The following NUP37 variants were observed in gnomAD, a reference collection of about 807,000 sequenced individuals.
NUP37 encodes the protein nucleoporin 37.
In NUP37, 33 loss-of-function variants were observed where a neutral mutation model predicts 45.4. That is an observed-to-expected ratio of 0.73 (90% CI 0.55 to 0.97). The LOEUF is 0.97. NUP37 is among the 50% of genes least tolerant of loss of function. The probability of loss-of-function intolerance (pLI) is 0.00; values close to 1 mark genes in which losing one functional copy is unlikely to be tolerated. For synonymous variants in NUP37, 127 were observed against 130.7 expected, an observed-to-expected ratio of 0.97 and a Z score of 0.19; for missense variants, 365 against 389.7, an observed-to-expected ratio of 0.94 and a Z score of 0.53.
At chr12:102,105,754 G>A (rs1417968439) in intron 3 of NUP37, among the ~76,000 whole-genome samples, 4 of 151,182 alleles carry the variant, frequency 2.6e-5, no homozygotes, top group Middle Eastern at 3.5e-3. Flanking sequence ...CCAGCTACTC[G>A]GGAGGCTGAG....
rs1879087279 is a variant in NUP37, at chr12:102,073,508, TTCTAAGACTGTTAG to T, written c.*832_*845del. Reference sequence around the variant, plus strand: ...AACTTTTGATCCCATATATCAGATGTTCTAAGACTGTTAGAACACCTCGTCCAAAGGAATCTGCG... The same window carrying T: ...AACTTTTGATCCCATATATCAGATGTAACACCTCGTCCAAAGGAATCTGCG... On this transcript the variant is annotated 3_prime_UTR_variant, in exon 10 of 10. Transcript: ENST00000552283. The T allele has an allele frequency of 6.6e-6, 1 of 152,170 alleles. No individual in the cohort carries two copies. The highest frequency in any genetic ancestry group is 1.5e-5 in the Non-Finnish European group (1 of 68,028). The allele number at this position is 152,170 out of a possible 1,614,324, so 9.4% of individuals were successfully genotyped here.
chr12:102,090,209 T>C (rs953250125), intron 5 of NUP37, among the ~76,000 whole-genome samples: 2 of 152,230 alleles, frequency 1.3e-5, no homozygotes, highest in African/African-American at 4.8e-5. Context: ...TCAGGTGCTC[T>C]TATTTTGTAA....
chr12:102,116,249 C>A (rs111589903), intron 2 of NUP37, among the ~76,000 whole-genome samples: 423 of 152,330 alleles, frequency 2.8e-3, no homozygotes, highest in Admixed American at 4.6e-3. Context: ...TCTCCCTCAA[C>A]ATTTCTTAAT....
At chr12:102,084,354 A>T (rs1879409698) in intron 6 of NUP37, among the ~76,000 whole-genome samples, 1 of 152,210 alleles carries the variant, frequency 6.6e-6, no homozygotes, top group African/African-American at 2.4e-5. Context: ...ACAGAGAAAA[A>T]GCATGGAGAT....
At chr12:102,078,597 T>A (rs1879250202) in intron 6 of NUP37, among the ~76,000 whole-genome samples, 1 of 152,228 alleles carries the variant, frequency 6.6e-6, no homozygotes, top group Non-Finnish European at 1.5e-5. Context: ...TTCCTTCACT[T>A]ATAAGCTGAG....
In NUP37 at chr12:102,076,813, G is replaced by T; in HGVS notation, c.757C>A (p.Arg253=). The change falls in exon 8 of 10, where the codon CGA becomes AGA. Residue 253 remains arginine, a synonymous_variant. Coordinates refer to ENST00000552283, the MANE Select transcript of NUP37 (RefSeq NM_024057.4). The part of the protein sequence containing the change: ...PQNKRPVHMD[R]ACLFRWSTIS... Reference sequence around the variant, plus strand: ...GTACATTACCTGAATAAGCAGGCTCGATCCATGTGAACAGGTCTCTTATTT... The same window carrying T: ...GTACATTACCTGAATAAGCAGGCTCTATCCATGTGAACAGGTCTCTTATTT... 1 of 1,613,364 alleles carries T rather than the reference G, an allele frequency of 6.2e-7. No homozygotes were observed. Among genetic ancestry groups the T allele is most frequent in the South Asian group, 1.1e-5 (1 of 90,966 alleles).
chr12:102,111,980 C>T lies in NUP37; in HGVS notation c.281+128G>A, dbSNP rs1880329767. The stretch of plus-strand genomic sequence containing the variant: ...TAAATTATTAAGTAGTAGCAAATAT[C>T]AAAATATCTAATATCTTGGATTGTG... On this transcript the variant is annotated intron_variant, in intron 3 of 9. Transcript: ENST00000552283. The T allele has an allele frequency of 1.2e-5, 10 of 847,530 alleles. No individual in the cohort carries two copies. The South Asian group carries it at 2.0e-4, about 17-fold the overall frequency. The allele number at this position is 847,530 out of a possible 1,614,324, so 52.5% of individuals were successfully genotyped here.
Position 102,077,308 on chromosome 12 carries a change from T to C in NUP37, c.722+14A>G, listed in dbSNP as rs756745819. ...TTTTTTGGTGTGTAATAGACAAACA[T>C]ATCAAGAAAGTACCTGGACCGAGTA... is the stretch of plus-strand genomic sequence containing the variant. On this transcript the variant is annotated intron_variant, in intron 7 of 9. Transcript: ENST00000552283. 6.2e-7 allele frequency: 1 copy of C among 1,613,554 alleles called. No homozygotes were observed. The highest frequency in any genetic ancestry group is 8.5e-7 in the Non-Finnish European group (1 of 1,179,672).
At position 102,073,587 on chromosome 12, in the gene NUP37, T is replaced by C. The variant is rs975233755; in HGVS notation, c.*767A>G. On this transcript the variant is annotated 3_prime_UTR_variant, in exon 10 of 10. Coordinates refer to ENST00000552283, the MANE Select transcript of NUP37 (RefSeq NM_024057.4). ...TTGAGCAATATAATCAATCACATAT[T>C]TAAGAAACTGAAAACAATTTTTTAC... 1 of 152,208 alleles carries C rather than the reference T, an allele frequency of 6.6e-6. No homozygotes were observed. Among genetic ancestry groups the C allele is most frequent in the South Asian group, 2.1e-4 (1 of 4,832 alleles). The allele number at this position is 152,208 out of a possible 1,614,324, so 9.4% of individuals were successfully genotyped here. A position where few individuals can be genotyped will look rare whatever the true frequency, so the allele number is the denominator to read the frequency against.
chr12:102,085,238 G>A (rs896547289), intron 6 of NUP37, among the ~76,000 whole-genome samples: 1 of 151,982 alleles, frequency 6.6e-6, no homozygotes, highest in Admixed American at 6.6e-5. Context: ...TGGGTAACAT[G>A]GCGAAACCTC....
chr12:102,106,304 G>A (rs958294616), intron 3 of NUP37, among the ~76,000 whole-genome samples: 8 of 152,154 alleles, frequency 5.3e-5, no homozygotes, highest in South Asian at 4.1e-4. Flanking sequence ...AAATAAAGAC[G>A]CCATCATAAA....
chr12:102,077,202 G>C (rs1469221797), intron 7 of NUP37, 120 bp downstream of exon 7: 2 of 1,032,544 alleles, frequency 1.9e-6, no homozygotes, highest in Non-Finnish European at 3.0e-6. Flanking sequence ...CCTTCTATAG[G>C]AAAGACTTGC....
chr12:102,091,058 C>T (rs530586414), intron 5 of NUP37, among the ~76,000 whole-genome samples: 54 of 152,116 alleles, frequency 3.5e-4, no homozygotes, highest in Non-Finnish European at 6.9e-4. Flanking sequence ...CACAGAAGCA[C>T]ACTTTTCAGG....
Position 102,112,159 on chromosome 12 carries a change from C to T in NUP37, c.230G>A (p.Gly77Asp). 6.2e-7 allele frequency: 1 copy of T among 1,613,806 alleles called. No homozygotes were observed. Among genetic ancestry groups the T allele is most frequent in the Non-Finnish European group, 8.5e-7 (1 of 1,179,770 alleles). The change falls in exon 3 of 10, where the codon GGC becomes GAC. Residue 77 changes from glycine to aspartate, a missense_variant. Transcript: ENST00000552283. ...TCTAGTCTCTGGGCTCCAAGCTATG[C>T]CATCAACCCTGACTCCATGGTGAAA... ...RTFHHGVRVD[G>D]IAWSPETRLD...
intron 3 of NUP37, among the ~76,000 whole-genome samples, chr12:102,101,679 T>C (rs1252866958): frequency 1.3e-5 from 2 of 152,154 alleles, no homozygotes; most frequent in African/African-American, 4.8e-5. Context: ...TTTTCAGTAG[T>C]TAATCAATGG....
At chr12:102,115,465 T>C (rs1026719772) in intron 2 of NUP37, among the ~76,000 whole-genome samples, 1 of 152,250 alleles carries the variant, frequency 6.6e-6, no homozygotes, top group African/African-American at 2.4e-5. Context: ...GGCAAGCATA[T>C]ATGTTCATGC....
At chr12:102,095,077 A>G (rs1427613100) in intron 5 of NUP37, among the ~76,000 whole-genome samples, 2 of 152,064 alleles carry the variant, frequency 1.3e-5, no homozygotes, top group Non-Finnish European at 2.9e-5. Context: ...TGTTTAATAA[A>G]TACTTGTTGA....
chr12:102,110,612 G>A (rs1880287651), intron 3 of NUP37, among the ~76,000 whole-genome samples: 1 of 152,092 alleles, frequency 6.6e-6, no homozygotes, highest in Admixed American at 6.6e-5. Context: ...GGAGGCCAAG[G>A]CACATGGATT....
Position 102,076,832 on chromosome 12 carries a change from C to T in NUP37, c.738G>A (p.Lys246=). Residue 246 remains lysine, a synonymous_variant, in exon 8 of 10, where the codon AAG becomes AAA. Coordinates refer to ENST00000552283, the MANE Select transcript of NUP37 (RefSeq NM_024057.4). The part of the protein sequence containing the change: ...DITRSSYPQN[K]RPVHMDRACL... ...AGGCTCGATCCATGTGAACAGGTCT[C>T]TTATTTTGAGGATAACTAAAAGATA... 6.2e-7 allele frequency: 1 copy of T among 1,612,958 alleles called. No individual in the cohort carries two copies. Among genetic ancestry groups the T allele is most frequent in the Non-Finnish European group, 8.5e-7 (1 of 1,179,230 alleles).
Sources: allele counts gnomAD v4.1 joint callset (sites outside exome capture counted in the v4.1 genomes callset), GRCh38; gene constraint gnomAD v4.1.1; transcripts MANE v1.5; gene names NCBI Gene and HGNC (gene_info 2026-07-23, HGNC 2026-07-21).